Variants in CRYM observed in about 807,000 individuals in gnomAD.
CRYM encodes crystallin mu, also known as ketimine reductase mu-crystallin.
In CRYM, 18 loss-of-function variants were observed where a neutral mutation model predicts 32.9. The ratio of observed to expected loss-of-function variants is 0.55; its 90% CI spans 0.38 to 0.81. CRYM has a LOEUF of 0.81. Ranked by LOEUF, CRYM falls within the 30% of genes least tolerant of loss-of-function variation. The pLI is 0.00. For synonymous variants in CRYM, 153 were observed against 152.4 expected (o/e 1.00, Z -0.03); for missense variants, 337 against 393.5 (o/e 0.86, Z 1.21).
intron 1 of CRYM, among the ~76,000 whole-genome samples, chr16:21,291,733 G>A (rs1392471723): frequency 2.6e-5 from 4 of 152,038 alleles, no homozygotes; most frequent in Admixed American, 6.6e-5. Context: ...GAAGTGACCG[G>A]TGAACTTTTC....
chr16:21,286,941 T>C (rs976580894), intron 1 of CRYM, among the ~76,000 whole-genome samples: 3 of 151,880 alleles, frequency 2.0e-5, no homozygotes, highest in African/African-American at 7.3e-5. Context: ...ATACAAAAAA[T>C]TAGCTGGGCG....
chr16:21,269,008 G>T (rs548430369), intron 4 of CRYM, among the ~76,000 whole-genome samples: 6 of 152,150 alleles, frequency 3.9e-5, no homozygotes, highest in Admixed American at 3.3e-4. Context: ...GCCAGGTGTG[G>T]TAGTGGGCGC....
chr16:21,267,847 T>C, intron 4 of CRYM, 110 bp from the exon 5 acceptor site: 2 of 1,035,810 alleles, frequency 1.9e-6, no homozygotes, highest in South Asian at 2.6e-5. Context: ...TAGGGGTCAG[T>C]GGTTATCTAA....
chr16:21,299,577 T>C (rs967301927), intron 1 of CRYM, among the ~76,000 whole-genome samples: 3 of 152,226 alleles, frequency 2.0e-5, no homozygotes, highest in African/African-American at 4.8e-5. Flanking sequence ...CCCGAAGTGC[T>C]GGGATTACAG....
At chr16:21,290,407 A>G (rs1960611741) in intron 1 of CRYM, among the ~76,000 whole-genome samples, 1 of 152,144 alleles carries the variant, frequency 6.6e-6, no homozygotes, top group Non-Finnish European at 1.5e-5. Context: ...CAAGACCACA[A>G]ACCCACTGGA....
intron 5 of CRYM, 147 bp from the exon 6 acceptor site, chr16:21,262,305 A>G: frequency 2.1e-6 from 2 of 937,708 alleles, no homozygotes; most frequent in South Asian, 1.4e-5. Context: ...TGCTCTCCCA[A>G]TCAGTAGGAC....
intron 7 of CRYM, chr16:21,261,033 G>A: frequency 1.6e-6 from 1 of 612,294 alleles, no homozygotes; most frequent in Non-Finnish European, 3.0e-6. Context: ...CTTGCCTAAG[G>A]ACACCTGCCT....
rs72782846 is a variant in CRYM, at chr16:21,277,683, C to T, written c.171-99G>A. ...TTCCTTTTTCTTTCCTTCCTCACCA[C>T]CCCACTGGCCCTCTTCCAGCCCCCG... On this transcript the variant is annotated intron_variant, in intron 1 of 7. Transcript: ENST00000572914. The surrounding 1 kb of genome is among the most constrained non-coding windows in gnomAD (Gnocchi z 4.2). The T allele has an allele frequency of 0.037, 48,162 of 1,314,604 alleles. 1,015 individuals carry two copies. The highest frequency in any genetic ancestry group is 0.041 in the Non-Finnish European group (38,906 of 937,502). The allele number at this position is 1,314,604 out of a possible 1,614,324, so 81.4% of individuals were successfully genotyped here. A position where few individuals can be genotyped will look rare whatever the true frequency, so the allele number is the denominator to read the frequency against.
intron 5 of CRYM, among the ~76,000 whole-genome samples, chr16:21,267,243 G>A (rs1289252983): frequency 6.6e-6 from 1 of 151,890 alleles, no homozygotes; most frequent in Non-Finnish European, 1.5e-5. Flanking sequence ...GACTACAGGT[G>A]CAAGCCACCA....
At chr16:21,288,892 T>C (rs1272229366) in intron 1 of CRYM, among the ~76,000 whole-genome samples, 1 of 152,162 alleles carries the variant, frequency 6.6e-6, no homozygotes, top group East Asian at 1.9e-4. Context: ...CATATTTGTG[T>C]ATTTTCAGAT....
intron 1 of CRYM, among the ~76,000 whole-genome samples, chr16:21,300,658 C>T (rs1419895894): frequency 6.6e-6 from 1 of 152,032 alleles, no homozygotes; most frequent in Non-Finnish European, 1.5e-5. Flanking sequence ...GGAGGATGTT[C>T]TATACAGTCC....
intron 1 of CRYM, among the ~76,000 whole-genome samples, chr16:21,284,835 A>T (rs226036): frequency 1.3e-5 from 2 of 152,212 alleles, no homozygotes; most frequent in African/African-American, 2.4e-5. Flanking sequence ...GTTCTAAGTT[A>T]TTTGAGAAAT....
At chr16:21,289,993 G>T (rs567472018) in intron 1 of CRYM, among the ~76,000 whole-genome samples, 1 of 148,022 alleles carries the variant, frequency 6.8e-6, no homozygotes, top group Non-Finnish European at 1.5e-5. Context: ...GGACCAATCA[G>T]CACTCTGTAA....
chr16:21,269,143 C>T (rs1306821537), intron 4 of CRYM, among the ~76,000 whole-genome samples: 1 of 78,484 alleles, frequency 1.3e-5, no homozygotes, highest in African/African-American at 4.5e-5. Flanking sequence ...GACTCCATTT[C>T]AAAAAAAAAA....
chr16:21,297,955 C>A (rs1205526768), intron 1 of CRYM, among the ~76,000 whole-genome samples: 1 of 152,148 alleles, frequency 6.6e-6, no homozygotes, highest in Non-Finnish European at 1.5e-5. Flanking sequence ...CATGCTAGAC[C>A]AATACTTGGC....
At position 21,262,079 on chromosome 16, in the gene CRYM, C is replaced by A; in HGVS notation, c.753G>T (p.Gln251His). 6.2e-7 allele frequency: 1 copy of A among 1,614,124 alleles called. No individual in the cohort carries two copies. Among genetic ancestry groups the A allele is most frequent in the East Asian group, 2.2e-5 (1 of 44,882 alleles). Residue 251 changes from glutamine to histidine, a missense_variant, in exon 6 of 8, where the codon CAG becomes CAT. By Grantham distance (24) the Gln-to-His change is conservative (BLOSUM62 0). Transcript: ENST00000572914. ...CTCCAGACTCCTTCAGGGCAGCCTCCTGGGAATCCACGTACAGCACAGCTT... is the reference window on the plus strand; with the variant it reads ...CTCCAGACTCCTTCAGGGCAGCCTCATGGGAATCCACGTACAGCACAGCTT... ...MKEAVLYVDS[Q>H]EAALKESGDV...
At chr16:21,259,435 C>T (rs971791453) in intron 7 of CRYM, among the ~76,000 whole-genome samples, 1 of 152,060 alleles carries the variant, frequency 6.6e-6, no homozygotes, top group African/African-American at 2.4e-5. Flanking sequence ...AAGGGTCAGA[C>T]AGTAAATCCT....
chr16:21,298,093 G>A (rs941893842), intron 1 of CRYM, among the ~76,000 whole-genome samples: 5 of 152,206 alleles, frequency 3.3e-5, no homozygotes, highest in Admixed American at 1.3e-4. Context: ...CCATGATGCT[G>A]AGTTAGGTGT....
At chr16:21,293,926 C>T (rs1015470874) in intron 1 of CRYM, among the ~76,000 whole-genome samples, 4 of 152,108 alleles carry the variant, frequency 2.6e-5, no homozygotes, top group Non-Finnish European at 5.9e-5. Flanking sequence ...ATGAAAATTC[C>T]TGTCCCTCAC....
Sources: gnomAD v4.1 joint callset for allele counts (sites outside exome capture counted in the v4.1 genomes callset) on GRCh38, gnomAD v4.1.1 for gene constraint, Gnocchi (gnomAD v3.1) non-coding constraint, MANE v1.5 for transcripts, NCBI Gene and HGNC (gene_info 2026-07-23, HGNC 2026-07-21) for gene names.